The following ARMC1 variants were observed in gnomAD, a reference collection of about 807,000 sequenced individuals.
ARMC1 encodes armadillo repeat-containing protein 1.
ARMC1 carries 16 observed loss-of-function variants against 31.4 expected under a neutral mutation model. The ratio of observed to expected loss-of-function variants is 0.51; its 90% CI spans 0.34 to 0.77. The LOEUF (loss-of-function observed/expected upper bound fraction) is 0.77, where lower values mean the gene tolerates loss of function less well. Ranked by LOEUF, ARMC1 falls within the 30% of genes least tolerant of loss-of-function variation. The pLI is 0.01. For missense variants in ARMC1, 259 were observed against 347.5 expected, an observed-to-expected ratio of 0.75 and a Z score of 2.02; for synonymous variants, 114 against 118.9, an observed-to-expected ratio of 0.96 and a Z score of 0.27.
chr8:65,608,380 T>A (rs1429286180), intron 4 of ARMC1, among the ~76,000 whole-genome samples: 1 of 151,890 alleles, frequency 6.6e-6, no homozygotes, highest in Non-Finnish European at 1.5e-5. Context: ...TACAAAAAAA[T>A]TAGCGGGGCG....
intron 2 of ARMC1, among the ~76,000 whole-genome samples, chr8:65,626,303 T>G (rs991117250): frequency 1.3e-5 from 2 of 151,840 alleles, no homozygotes; most frequent in Admixed American, 1.3e-4. Context: ...TGGGAAGCAA[T>G]AGATAAAAAG....
chr8:65,616,545 C>T (rs1331934528), intron 3 of ARMC1, among the ~76,000 whole-genome samples: 1 of 152,040 alleles, frequency 6.6e-6, no homozygotes, highest in African/African-American at 2.4e-5. Flanking sequence ...AGCCTCTGCC[C>T]GGCCGCCACC....
intron 1 of ARMC1, among the ~76,000 whole-genome samples, chr8:65,628,287 T>C (rs1321280339): frequency 1.3e-5 from 2 of 151,962 alleles, no homozygotes; most frequent in Non-Finnish European, 2.9e-5. Context: ...AGTCGCATTC[T>C]GTCACCCAGG....
At chr8:65,620,140 G>C (rs1367685870) in intron 3 of ARMC1, among the ~76,000 whole-genome samples, 3 of 150,334 alleles carry the variant, frequency 2.0e-5, no homozygotes, top group Middle Eastern at 3.4e-3. Context: ...AAAAAAAAAA[G>C]ACAAGAAAAG....
chr8:65,609,882 G>GAAAAAGAAAA (rs63593062), intron 4 of ARMC1, among the ~76,000 whole-genome samples: 2 of 118,828 alleles, frequency 1.7e-5, no homozygotes, highest in Non-Finnish European at 3.4e-5. Context: ...AAAAAGAAAA[G>GAAAAAGAAAA]AAAAAGAAAA....
chr8:65,610,543 A>C (rs1331722659), intron 4 of ARMC1, among the ~76,000 whole-genome samples: 1 of 152,014 alleles, frequency 6.6e-6, no homozygotes, highest in Non-Finnish European at 1.5e-5. Flanking sequence ...AAATACAAAA[A>C]AATTAGCTGG....
At position 65,627,266 on chromosome 8, in the gene ARMC1, T is replaced by C. The variant is rs780987451; in HGVS notation, c.133A>G (p.Ile45Val). The part of the protein sequence containing the change: ...VQDQGCLPGL[I>V]LFMDHPNPPV... ...GGGTTGGGATGGTCCATAAATAAAATAAGGCCAGGCAGACATCCCTGATCC... is the reference window on the plus strand; with the variant it reads ...GGGTTGGGATGGTCCATAAATAAAACAAGGCCAGGCAGACATCCCTGATCC... The change falls in exon 2 of 7, where the codon ATT becomes GTT. Residue 45 changes from isoleucine (I) to valine (V), a missense_variant. This residue lies in a region of ARMC1 where 163 missense variants were observed against 186.7 expected (regional missense o/e 0.87). Transcript: ENST00000276569. 3.8e-5 allele frequency: 62 copies of C among 1,610,894 alleles called. No homozygotes were observed. Among genetic ancestry groups the C allele is most frequent in the Non-Finnish European group, 5.0e-5 (59 of 1,178,570 alleles).
chr8:65,619,612 C>CGA (rs1808349341), intron 3 of ARMC1, among the ~76,000 whole-genome samples: 1 of 151,458 alleles, frequency 6.6e-6, no homozygotes, highest in South Asian at 2.1e-4. Flanking sequence ...GTTGGGAGGC[C>CGA]GAGATAGGAG....
chr8:65,606,100 T>C (rs1490306526), intron 4 of ARMC1, among the ~76,000 whole-genome samples: 2 of 152,262 alleles, frequency 1.3e-5, no homozygotes, highest in East Asian at 1.9e-4. Context: ...CGGTGGCTCA[T>C]GCCTGCAATC....
intron 1 of ARMC1, among the ~76,000 whole-genome samples, chr8:65,627,643 A>G (rs1456707905): frequency 6.6e-6 from 1 of 152,248 alleles, no homozygotes; most frequent in Non-Finnish European, 1.5e-5. Context: ...TTTAAAGAAC[A>G]TATGTTGTCC....
intron 2 of ARMC1, 108 bp downstream of exon 2, chr8:65,627,108 C>T (rs1228083003): frequency 2.0e-6 from 2 of 1,017,010 alleles, no homozygotes; most frequent in East Asian, 2.5e-5. Context: ...ATACAAACAA[C>T]TAATTGCTCT....
chr8:65,618,415 G>C (rs1376632764), intron 3 of ARMC1, among the ~76,000 whole-genome samples: 1 of 151,532 alleles, frequency 6.6e-6, no homozygotes, highest in Non-Finnish European at 1.5e-5. Flanking sequence ...CCAGCTACTC[G>C]GGAGGCCGAG....
At chr8:65,611,687 A>G (rs1305338190) in intron 4 of ARMC1, among the ~76,000 whole-genome samples, 1 of 151,852 alleles carries the variant, frequency 6.6e-6, no homozygotes, top group East Asian at 1.9e-4. Context: ...ATGAATTTCC[A>G]CTTTAAACTT....
Position 65,604,421 on chromosome 8 carries a change from G to C in ARMC1, c.822C>G (p.Asn274Lys), listed in dbSNP as rs759248455. Residue 274 changes from asparagine (N) to lysine (K), a missense_variant, in exon 7 of 7, where the codon AAC becomes AAG. Physicochemically the swap from Asn to Lys is moderately conservative, Grantham distance 94. Around this residue, in one of 3 missense-constraint regions of ARMC1, gnomAD observed 73 missense variants for 100.0 expected, o/e 0.73. Coordinates refer to ENST00000276569, the MANE Select transcript of ARMC1 (RefSeq NM_018120.6). The part of the protein sequence containing the change: ...GGASWLSTAA[N>K]FLSRSFYW ...ACCAATAAAATGATCTGGATAAAAA[G>C]TTTGCAGCTGTGCTAAGCCAGCTAG... 1.9e-6 allele frequency: 3 copies of C among 1,614,104 alleles called. No individual in the cohort carries two copies. Among genetic ancestry groups the C allele is most frequent in the Non-Finnish European group, 2.5e-6 (3 of 1,179,998 alleles).
Position 65,604,526 on chromosome 8 carries a change from G to C in ARMC1, c.717C>G (p.Asp239Glu). 1 of 1,614,120 alleles carries C rather than the reference G, an allele frequency of 6.2e-7. No individual in the cohort carries two copies. The highest frequency in any genetic ancestry group is 8.5e-7 in the Non-Finnish European group (1 of 1,180,042). The change falls in exon 7 of 7, where the codon GAC becomes GAG. Residue 239 changes from aspartate (D) to glutamate (E), a missense_variant. Around this residue, in one of 3 missense-constraint regions of ARMC1, gnomAD observed 73 missense variants for 100.0 expected, o/e 0.73. Transcript: ENST00000276569. ...VEVEQNTELP[D>E]YLPEDESPTK... Reference sequence around the variant, plus strand: ...TGGGACTCTCATCCTCAGGCAGGTAGTCAGGTAGCTCTGTGTTCTGTTCAA... The same window carrying C: ...TGGGACTCTCATCCTCAGGCAGGTACTCAGGTAGCTCTGTGTTCTGTTCAA...
intron 4 of ARMC1, among the ~76,000 whole-genome samples, chr8:65,609,943 T>C (rs1292505779): frequency 6.6e-6 from 1 of 151,064 alleles, no homozygotes. Flanking sequence ...AAGAGGTAAG[T>C]GGTAATCTAC....
chr8:65,618,755 A>G (rs1461606977), intron 3 of ARMC1, among the ~76,000 whole-genome samples: 1 of 152,036 alleles, frequency 6.6e-6, no homozygotes, highest in Non-Finnish European at 1.5e-5. Flanking sequence ...ATAAAAAGGT[A>G]ACTGTCGGGC....
At chr8:65,620,380 C>T (rs1808368445) in intron 3 of ARMC1, among the ~76,000 whole-genome samples, 1 of 146,302 alleles carries the variant, frequency 6.8e-6, no homozygotes, top group Non-Finnish European at 1.5e-5. Context: ...TGGCTCACTG[C>T]AACCTCTGCC....
intron 4 of ARMC1, among the ~76,000 whole-genome samples, chr8:65,612,771 A>G (rs1808169458): frequency 6.6e-6 from 1 of 152,150 alleles, no homozygotes; most frequent in African/African-American, 2.4e-5. Context: ...CTGAGGCAGA[A>G]GAGACACCTG....
Sources: gnomAD v4.1 joint callset for allele counts (sites outside exome capture counted in the v4.1 genomes callset) on GRCh38, gnomAD v4.1.1 for gene constraint, gnomAD v4.1.1 regional missense constraint, MANE v1.5 for transcripts, NCBI Gene and HGNC (gene_info 2026-07-23, HGNC 2026-07-21) for gene names.